KDM4C: variants seen among roughly 807,000 people sequenced by gnomAD.
KDM4C encodes the protein lysine-specific demethylase 4C.
In KDM4C, 81 loss-of-function variants were observed where a neutral mutation model predicts 129.3. The ratio of observed to expected loss-of-function variants is 0.63; its 90% CI spans 0.52 to 0.75. KDM4C has a LOEUF of 0.75. Ranked by LOEUF, KDM4C falls within the 30% of genes least tolerant of loss-of-function variation. KDM4C has a pLI of 0.00. For missense variants in KDM4C, 1,457 were observed against 1,304.0 expected, an observed-to-expected ratio of 1.12 and a Z score of -1.81; for synonymous variants, 573 against 456.1, an observed-to-expected ratio of 1.26 and a Z score of -3.26.
intron 17 of KDM4C, among the ~76,000 whole-genome samples, chr9:7,097,930 G>T (rs545807715): frequency 2.5e-4 from 38 of 152,340 alleles, no homozygotes; most frequent in African/African-American, 8.4e-4. Flanking sequence ...ACATTCATAT[G>T]GTTAATGGCT....
intron 19 of KDM4C, among the ~76,000 whole-genome samples, chr9:7,160,706 G>A (rs1228073519): frequency 6.6e-6 from 1 of 152,120 alleles, no homozygotes; most frequent in East Asian, 1.9e-4. Flanking sequence ...TGGAAGCTTC[G>A]TCCCAGAAGG....
At chr9:6,739,979 T>A (rs1470914114) in intron 1 of KDM4C, among the ~76,000 whole-genome samples, 1 of 152,170 alleles carries the variant, frequency 6.6e-6, no homozygotes, top group Non-Finnish European at 1.5e-5. Context: ...AACTTCTGCC[T>A]CGTGGGTTCA....
At chr9:6,899,245 CACATGTGCAT>C (rs1022524786) in intron 8 of KDM4C, among the ~76,000 whole-genome samples, 15 of 152,042 alleles carry the variant, frequency 9.9e-5, no homozygotes, top group African/African-American at 3.4e-4. Context: ...CCCTTCTCCC[CACATGTGCAT>C]AGCCCCCCAC....
rs146300156 is a variant in KDM4C at position 7,138,544 on chromosome 9, G to A, written c.2781+10308G>A. 2.4e-3 allele frequency among the ~76,000 whole-genome samples: 362 copies of A among 152,318 alleles called. 4 individuals are homozygous for A. The highest frequency in any genetic ancestry group is 8.2e-3 in the African/African-American group (342 of 41,562). ...AAAGATCTCTTTTGGGCCAGGCACG[G>A]TGGCTCACACCTGAAATCCCAGCGC... On this transcript the variant is annotated intron_variant, in intron 19 of 21. Coordinates refer to ENST00000381309, the MANE Select transcript of KDM4C (RefSeq NM_015061.6).
intron 15 of KDM4C, 24 bp from the exon 16 acceptor site, chr9:7,046,838 T>A: frequency 6.4e-7 from 1 of 1,557,318 alleles, no homozygotes; most frequent in Non-Finnish European, 8.9e-7. Context: ...CTGGTCATCA[T>A]GTGGTATTTT....
At chr9:7,041,402 C>G (rs1218515823) in intron 15 of KDM4C, among the ~76,000 whole-genome samples, 2 of 151,960 alleles carry the variant, frequency 1.3e-5, no homozygotes, top group Non-Finnish European at 2.9e-5. Flanking sequence ...GAACCAATCT[C>G]CCTTGGATAC....
At chr9:6,987,569 A>T (rs1349535084) in intron 11 of KDM4C, among the ~76,000 whole-genome samples, 1 of 152,174 alleles carries the variant, frequency 6.6e-6, no homozygotes, top group Non-Finnish European at 1.5e-5. Flanking sequence ...CAGAACAGAC[A>T]CTGCTCCTGC....
intron 8 of KDM4C, among the ~76,000 whole-genome samples, chr9:6,963,155 G>T (rs1047673442): frequency 8.5e-5 from 13 of 152,194 alleles, no homozygotes; most frequent in African/African-American, 3.1e-4. Flanking sequence ...GTTAAATGCA[G>T]TGTACTTAGA....
intron 1 of KDM4C, chr9:6,727,205 C>T (rs1324316862): frequency 6.6e-6 from 1 of 151,902 alleles, no homozygotes; most frequent in East Asian, 1.9e-4. Context: ...AATCCCAGAA[C>T]TTTGGAAGGC....
intron 1 of KDM4C, among the ~76,000 whole-genome samples, chr9:6,789,089 G>A (rs1374584987): frequency 1.3e-5 from 2 of 151,578 alleles, no homozygotes; most frequent in African/African-American, 2.4e-5. Flanking sequence ...TTTCACCCAG[G>A]CTGGAGTGGG....
chr9:7,135,583 G>C (rs547209541), intron 19 of KDM4C, among the ~76,000 whole-genome samples: 1 of 149,734 alleles, frequency 6.7e-6, no homozygotes, highest in South Asian at 2.1e-4. Context: ...GGAGTATCCA[G>C]TGATGTTGTC....
intron 17 of KDM4C, 36 bp downstream of exon 17, chr9:7,049,236 A>AACACTAATTTAT: frequency 8.8e-7 from 1 of 1,141,174 alleles, no homozygotes; most frequent in Non-Finnish European, 1.3e-6. Context: ...CTCATAAATT[A>AACACTAATTTAT]GTGTTAATTT....
chr9:7,101,348 C>A (rs902839519), intron 17 of KDM4C, among the ~76,000 whole-genome samples: 1 of 152,040 alleles, frequency 6.6e-6, no homozygotes. Flanking sequence ...GGAAAAAAAA[C>A]CATTTTAGCA....
At chr9:7,157,410 G>C (rs1843302592) in intron 19 of KDM4C, among the ~76,000 whole-genome samples, 1 of 152,192 alleles carries the variant, frequency 6.6e-6, no homozygotes, top group African/African-American at 2.4e-5. Context: ...AGTGGTGAGG[G>C]AGGGCATCCT....
rs117104363 is a variant in KDM4C, at chr9:6,984,486, C to G, written c.1354+82C>G. On this transcript the variant is annotated intron_variant, in intron 10 of 21. Coordinates refer to ENST00000381309, the MANE Select transcript of KDM4C (RefSeq NM_015061.6). ...TGTCTTAAATGGATGTTCACTATGA[C>G]AAGTATCTGACTAGTCCACATAGCT... The G allele has an allele frequency of 7.5e-4, 662 of 878,718 alleles. 5 individuals are homozygous for G. In the East Asian group the frequency reaches 0.015, roughly 20 times the overall value. 54.4% of individuals were successfully genotyped at this position (878,718 alleles called of 1,614,324 possible).
chr9:6,725,935 T>A (rs1242235604), intron 1 of KDM4C, among the ~76,000 whole-genome samples: 1 of 147,806 alleles, frequency 6.8e-6, no homozygotes, highest in Non-Finnish European at 1.5e-5. Context: ...TTCTTTATTT[T>A]TTTTTTTTTG....
chr9:6,721,102 A>T (rs1371578566), intron 1 of KDM4C: 10 of 1,106,054 alleles, frequency 9.0e-6, no homozygotes, highest in Admixed American at 2.1e-5. Context: ...TTTAGAATCA[A>T]GGTCTCTGTT....
At chr9:7,051,920 G>C (rs1217311363) in intron 17 of KDM4C, among the ~76,000 whole-genome samples, 3 of 152,276 alleles carry the variant, frequency 2.0e-5, no homozygotes, top group South Asian at 4.1e-4. Context: ...GTGGAGGACT[G>C]TCATGTGCAT....
chr9:6,905,693 G>A (rs1818191655), intron 8 of KDM4C, among the ~76,000 whole-genome samples: 1 of 152,176 alleles, frequency 6.6e-6, no homozygotes, highest in Non-Finnish European at 1.5e-5. Context: ...TTTCTATAGT[G>A]TAGGGTCCTT....
Sources: allele counts gnomAD v4.1 joint callset (sites outside exome capture counted in the v4.1 genomes callset), GRCh38; gene constraint gnomAD v4.1.1; transcripts MANE v1.5; gene names NCBI Gene and HGNC (gene_info 2026-07-23, HGNC 2026-07-21).